Variants in FGF13 observed in about 807,000 individuals in gnomAD.
FGF13 encodes fibroblast growth factor homologous factor 2.
A neutral mutation model predicts 19.5 loss-of-function variants in FGF13; 2 were observed. The observed-to-expected ratio is 0.10, with a 90% CI of 0.04 to 0.32. FGF13 has a LOEUF of 0.32. Ranked by LOEUF, FGF13 falls within the 10% of genes least tolerant of loss-of-function variation. The pLI, the probability that FGF13 is intolerant of heterozygous loss-of-function variation, is 1.00. For missense variants in FGF13, 113 were observed against 192.7 expected (o/e 0.59, Z 2.45); for synonymous variants, 72 against 76.9 (o/e 0.94, Z 0.33).
intron 3 of FGF13, among the ~76,000 whole-genome samples, chrX:138,683,436 C>G: frequency 9.1e-6 from 1 of 110,191 alleles, no homozygotes; most frequent in Non-Finnish European, 1.9e-5. Flanking sequence ...CACACACACA[C>G]ACAGCTCCAA....
At chrX:138,726,498 T>G (rs769549026) in intron 1 of FGF13, among the ~76,000 whole-genome samples, 2 of 112,623 alleles carry the variant, frequency 1.8e-5, no homozygotes, top group Non-Finnish European at 3.8e-5. Context: ...TAGCATGTGC[T>G]TCGCATGTAG....
intron 1 of FGF13, among the ~76,000 whole-genome samples, chrX:139,014,061 T>C (rs960960929): frequency 9.1e-6 from 1 of 110,417 alleles, no homozygotes; most frequent in Non-Finnish European, 1.9e-5. Flanking sequence ...TTGAAACAAA[T>C]GGAAATTGAA....
chrX:139,171,020 C>A (rs2084128143), intron 1 of FGF13, among the ~76,000 whole-genome samples: 2 of 111,388 alleles, frequency 1.8e-5, no homozygotes, highest in Non-Finnish European at 3.8e-5. Context: ...CTGCCAAAGT[C>A]CAGCTCTGAT....
intron 4 of FGF13, among the ~76,000 whole-genome samples, chrX:138,633,698 T>C (rs1364665148): frequency 9.0e-6 from 1 of 111,715 alleles, no homozygotes; most frequent in Non-Finnish European, 1.9e-5. Context: ...GATACTACTC[T>C]AAGTTCTTTG....
chrX:139,084,016 G>A (rs2083387949), intron 1 of FGF13, among the ~76,000 whole-genome samples: 1 of 110,647 alleles, frequency 9.0e-6, no homozygotes, highest in South Asian at 3.9e-4. Context: ...GTGTTGGCTT[G>A]CACATTCTGC....
intron 1 of FGF13, among the ~76,000 whole-genome samples, chrX:139,189,086 C>G (rs867831877): frequency 9.8e-6 from 1 of 101,834 alleles, no homozygotes; most frequent in Admixed American, 1.0e-4. Flanking sequence ...CACACACACA[C>G]ACACAAAATC....
intron 1 of FGF13, among the ~76,000 whole-genome samples, chrX:138,999,936 A>G (rs759914143): frequency 1.9e-4 from 21 of 112,223 alleles, no homozygotes; most frequent in Non-Finnish European, 3.4e-4. Context: ...AAAATTCTCA[A>G]TAAAATACCG....
intron 1 of FGF13, among the ~76,000 whole-genome samples, chrX:139,176,250 C>G (rs2084182745): frequency 9.0e-6 from 1 of 111,034 alleles, no homozygotes; most frequent in African/African-American, 3.3e-5. Flanking sequence ...TGGTGATATC[C>G]CGTTTATCAT....
At chrX:138,772,748 C>G (rs1375579992) in intron 3 of FGF13, among the ~76,000 whole-genome samples, 1 of 110,964 alleles carries the variant, frequency 9.0e-6, no homozygotes, top group Non-Finnish European at 1.9e-5. Flanking sequence ...TTTCTTTTAC[C>G]TCTGGGACCT....
intron 1 of FGF13, among the ~76,000 whole-genome samples, chrX:139,126,678 G>A (rs944013809): frequency 8.9e-6 from 1 of 111,850 alleles, no homozygotes; most frequent in Non-Finnish European, 1.9e-5. Context: ...CAAGAATAAT[G>A]ACCTCTAGAG....
chrX:138,651,275 T>C (rs1331497442), intron 3 of FGF13, among the ~76,000 whole-genome samples: 3 of 111,999 alleles, frequency 2.7e-5, no homozygotes, highest in Non-Finnish European at 5.6e-5. Context: ...TTTAACTCTG[T>C]GCAAGCACAT....
chrX:138,885,558 C>T (rs1470338766), intron 1 of FGF13, among the ~76,000 whole-genome samples: 1 of 109,730 alleles, frequency 9.1e-6, no homozygotes, highest in Non-Finnish European at 1.9e-5. Context: ...GTCTTGCTCA[C>T]TCTACTTCAG....
intron 1 of FGF13, among the ~76,000 whole-genome samples, chrX:139,108,009 A>C (rs2083572077): frequency 1.8e-5 from 2 of 111,645 alleles, no homozygotes; most frequent in African/African-American, 6.5e-5. Context: ...GAAGACTGTG[A>C]AGACCAAATG....
chrX:138,771,418 T>C (rs766887319), intron 3 of FGF13, among the ~76,000 whole-genome samples: 224 of 111,920 alleles, frequency 2.0e-3, no homozygotes, highest in African/African-American at 6.6e-3. Context: ...TTCAGATAAA[T>C]GATACATTTT....
rs1367751019 is a variant in FGF13 at position 138,618,588 on chromosome X, G to A, written c.*14262C>T. 4 of 111,532 alleles carry A rather than the reference G, an allele frequency of 3.6e-5. No homozygotes were observed. Among genetic ancestry groups the A allele is most frequent in the Non-Finnish European group, 5.6e-5 (3 of 53,185 alleles). 9.2% of individuals were successfully genotyped at this position (111,532 alleles called of 1,213,427 possible). On this transcript the variant is annotated 3_prime_UTR_variant, in exon 5 of 5. Transcript: ENST00000315930. ...TGGGATGCCTGAACTGTAAACCCCC[G>A]AAGCTGACACATGGGTGCTCCCAAA...
At chrX:138,872,450 A>G (rs1409067869) in intron 1 of FGF13, among the ~76,000 whole-genome samples, 13 of 111,426 alleles carry the variant, frequency 1.2e-4, no homozygotes, top group Non-Finnish European at 2.3e-4. Context: ...CAGTTTGCAA[A>G]ACAACATCCT....
intron 1 of FGF13, among the ~76,000 whole-genome samples, chrX:138,884,310 C>A (rs1364073569): frequency 8.9e-6 from 1 of 112,045 alleles, no homozygotes; most frequent in Non-Finnish European, 1.9e-5. Context: ...TAGTGGAGAA[C>A]CTCAAAGAGT....
At chrX:138,941,996 T>C (rs1242578474) in intron 1 of FGF13, among the ~76,000 whole-genome samples, 1 of 112,125 alleles carries the variant, frequency 8.9e-6, no homozygotes, top group African/African-American at 3.2e-5. Context: ...AGACCTCTCA[T>C]TGGCATTATT....
chrX:138,904,745 G>C (rs2091548861), intron 1 of FGF13, among the ~76,000 whole-genome samples: 1 of 111,654 alleles, frequency 9.0e-6, no homozygotes, highest in African/African-American at 3.3e-5. Context: ...ATGCAGCCAG[G>C]ATGAGAACCT....
Sources: gnomAD v4.1 joint callset for allele counts (sites outside exome capture counted in the v4.1 genomes callset) on GRCh38, gnomAD v4.1.1 for gene constraint, MANE v1.5 for transcripts, NCBI Gene and HGNC (gene_info 2026-07-23, HGNC 2026-07-21) for gene names.